The following FUT8 variants were observed in gnomAD, a reference collection of about 807,000 sequenced individuals.
The protein encoded by FUT8 is alpha-(1,6)-fucosyltransferase.
A neutral mutation model predicts 71.3 loss-of-function variants in FUT8; 29 were observed. The observed-to-expected ratio is 0.41, with a 90% CI of 0.30 to 0.55. The LOEUF (loss-of-function observed/expected upper bound fraction) is 0.55. FUT8 is among the 20% of genes least tolerant of loss of function. The pLI is 0.34. For missense variants in FUT8, 544 were observed against 702.1 expected (o/e 0.77, Z 2.55); for synonymous variants, 254 against 239.3 (o/e 1.06, Z -0.57).
At chr14:65,583,627 G>A (rs1887205715) in intron 3 of FUT8, among the ~76,000 whole-genome samples, 1 of 145,762 alleles carries the variant, frequency 6.9e-6, no homozygotes, top group South Asian at 2.2e-4. Context: ...AATTTATTTA[G>A]ATTGCTGAAA....
chr14:65,511,488 A>G lies in FUT8; in HGVS notation c.-227-49849A>G, dbSNP rs371756244. Among the ~76,000 whole-genome samples, 4 of 152,084 alleles carry G rather than the reference A, an allele frequency of 2.6e-5. No individual in the cohort carries two copies. In the East Asian group the frequency reaches 7.7e-4, roughly 29 times the overall value. ...AGATCTGTTCAGTGCTGAAAGTGGGATGTTGAAATCTCCAGCTATTATTGT... is the reference window on the plus strand; with the variant it reads ...AGATCTGTTCAGTGCTGAAAGTGGGGTGTTGAAATCTCCAGCTATTATTGT... On this transcript the variant is annotated intron_variant, in intron 2 of 10. Coordinates refer to ENST00000673929, the MANE Select transcript of FUT8 (RefSeq NM_001371533.1).
chr14:65,643,098 G>T lies in FUT8; in HGVS notation c.597+13492G>T, dbSNP rs1566870598. Among the ~76,000 whole-genome samples, 1 of 152,066 alleles carries T rather than the reference G, an allele frequency of 6.6e-6. No homozygotes were observed. Among genetic ancestry groups the T allele is most frequent in the Non-Finnish European group, 1.5e-5 (1 of 68,022 alleles). ...ATTTAAAACTAAAATCCTTACCAAA[G>T]TCCAAATTTCAGCTTTTAGGTTTTC... On this transcript the variant is annotated intron_variant, in intron 6 of 10. Transcript: ENST00000673929. The surrounding 1 kb of genome is among the most constrained non-coding windows in gnomAD (Gnocchi z 4.5).
chr14:65,453,289 C>T (rs1341311224), intron 1 of FUT8, among the ~76,000 whole-genome samples: 1 of 152,058 alleles, frequency 6.6e-6, no homozygotes, highest in African/African-American at 2.4e-5. Flanking sequence ...CAGGTGTGTA[C>T]CACCAGCCCT....
chr14:65,657,898 A>G (rs1186468771), intron 6 of FUT8, among the ~76,000 whole-genome samples: 3 of 152,132 alleles, frequency 2.0e-5, no homozygotes, highest in African/African-American at 7.2e-5. Flanking sequence ...TGCCTATGTA[A>G]AAATACCTTA....
chr14:65,611,257 A>ACCCCCCAAGTAATAGCCTTGATTTTG (rs1566851204), intron 3 of FUT8, among the ~76,000 whole-genome samples: 1 of 77,998 alleles, frequency 1.3e-5, no homozygotes, highest in African/African-American at 9.3e-5. Context: ...ACACACACAC[A>ACCCCCCAAGTAATAGCCTTGATTTTG]CACACACACA....
intron 1 of FUT8, among the ~76,000 whole-genome samples, chr14:65,423,773 T>G (rs144685689): frequency 4.1e-4 from 63 of 152,372 alleles, no homozygotes; most frequent in African/African-American, 1.4e-3. Flanking sequence ...TTCTTGAAAC[T>G]TATTAAAGTT....
chr14:65,710,141 T>C (rs1006469600), intron 7 of FUT8, among the ~76,000 whole-genome samples: 3 of 152,242 alleles, frequency 2.0e-5, no homozygotes, highest in Non-Finnish European at 4.4e-5. Flanking sequence ...GGTATTCATA[T>C]AGAATTTAAT....
intron 3 of FUT8, among the ~76,000 whole-genome samples, chr14:65,613,145 C>G (rs570167523): frequency 9.9e-5 from 15 of 152,092 alleles, no homozygotes; most frequent in Non-Finnish European, 1.0e-4. Context: ...TGGAAAGCTA[C>G]TGAAAAGATC....
chr14:65,578,711 A>T (rs953463933), intron 3 of FUT8, among the ~76,000 whole-genome samples: 11 of 152,272 alleles, frequency 7.2e-5, no homozygotes, highest in African/African-American at 2.6e-4. Flanking sequence ...TAGTTTGGAG[A>T]TCAGTATTCT....
chr14:65,695,690 G>A (rs1893956728), intron 7 of FUT8, among the ~76,000 whole-genome samples: 1 of 151,402 alleles, frequency 6.6e-6, no homozygotes, highest in Non-Finnish European at 1.5e-5. Flanking sequence ...AAATCCACTT[G>A]GACAGTCTCT....
chr14:65,712,972 C>T (rs1466615804), intron 7 of FUT8, among the ~76,000 whole-genome samples: 1 of 152,178 alleles, frequency 6.6e-6, no homozygotes, highest in Admixed American at 6.5e-5. Context: ...TGACTGTAGT[C>T]ACCCTGCTGT....
At chr14:65,374,616 A>C in the FUT8 span, among the ~76,000 whole-genome samples, 1 of 145,706 alleles carries the variant, frequency 6.9e-6, no homozygotes, top group Non-Finnish European at 1.5e-5. Context: ...TTTTTTTTTG[A>C]TGGAGTCTTT....
At chr14:65,452,250 A>C (rs2065838581) in intron 1 of FUT8, among the ~76,000 whole-genome samples, 1 of 152,224 alleles carries the variant, frequency 6.6e-6, no homozygotes, top group Non-Finnish European at 1.5e-5. Context: ...TTAAGTTCAT[A>C]GTCCCCCTTT....
chr14:65,583,510 C>G (rs1361283731), intron 3 of FUT8, among the ~76,000 whole-genome samples: 1 of 151,964 alleles, frequency 6.6e-6, no homozygotes, highest in Non-Finnish European at 1.5e-5. Context: ...TCACAGTTAT[C>G]ACTGTGATAA....
chr14:65,375,733 C>G, the FUT8 span, among the ~76,000 whole-genome samples: 1 of 152,186 alleles, frequency 6.6e-6, no homozygotes, highest in African/African-American at 2.4e-5. Flanking sequence ...CACTGGTATT[C>G]AAACTGATGT....
intron 1 of FUT8, among the ~76,000 whole-genome samples, chr14:65,449,606 A>G (rs140431028): frequency 3.3e-5 from 5 of 152,332 alleles, no homozygotes; most frequent in African/African-American, 1.2e-4. Flanking sequence ...ATTGGCCCAT[A>G]GCTAGAAGAC....
chr14:65,608,275 T>C (rs961797304), intron 3 of FUT8, among the ~76,000 whole-genome samples: 5 of 151,904 alleles, frequency 3.3e-5, no homozygotes, highest in African/African-American at 4.8e-5. Context: ...CTCTTTTCTT[T>C]CCTAATATTG....
At chr14:65,687,497 AC>A (rs1187945327) in intron 7 of FUT8, among the ~76,000 whole-genome samples, 10 of 152,296 alleles carry the variant, frequency 6.6e-5, no homozygotes, top group Admixed American at 5.2e-4. Flanking sequence ...AGCAATGAAC[AC>A]CTATTGCTGA....
At chr14:65,518,621 T>C (rs148329847) in intron 2 of FUT8, among the ~76,000 whole-genome samples, 1 of 152,238 alleles carries the variant, frequency 6.6e-6, no homozygotes, top group East Asian at 1.9e-4. Context: ...TCCTCCTGGG[T>C]TCAAGTGAAT....
Sources: gnomAD v4.1 joint callset for allele counts (sites outside exome capture counted in the v4.1 genomes callset) on GRCh38, gnomAD v4.1.1 for gene constraint, Gnocchi (gnomAD v3.1) non-coding constraint, MANE v1.5 for transcripts, NCBI Gene and HGNC (gene_info 2026-07-23, HGNC 2026-07-21) for gene names.